Variants in NBAS observed in about 807,000 individuals in gnomAD.
NBAS encodes the protein NBAS subunit of NRZ tethering complex, also known as NAG/BC035112 fusion.
A neutral mutation model predicts 302.5 loss-of-function variants in NBAS; 219 were observed. That is an observed-to-expected ratio of 0.72 (90% CI 0.65 to 0.81). NBAS has a LOEUF of 0.81. Ranked by LOEUF, NBAS falls within the 30% of genes least tolerant of loss-of-function variation. The pLI is 0.00. For synonymous variants in NBAS, 1,118 were observed against 1,021.6 expected (o/e 1.09, Z -1.80); for missense variants, 2,932 against 2,841.6 (o/e 1.03, Z -0.72).
the NBAS span, among the ~76,000 whole-genome samples, chr2:14,909,366 TAAAAA>T: frequency 4.3e-4 from 34 of 78,578 alleles, no homozygotes; most frequent in South Asian, 3.7e-3. Context: ...GGAGAGTTTC[TAAAAA>T]AAAAAAAAAA....
At chr2:15,229,906 T>C (rs1171027872) in intron 47 of NBAS, among the ~76,000 whole-genome samples, 4 of 152,196 alleles carry the variant, frequency 2.6e-5, no homozygotes, top group African/African-American at 7.2e-5. Flanking sequence ...CTTACTTTTT[T>C]ATGCAGTCTC....
intron 22 of NBAS, among the ~76,000 whole-genome samples, chr2:15,426,891 G>A (rs1677506743): frequency 6.6e-6 from 1 of 152,054 alleles, no homozygotes; most frequent in Non-Finnish European, 1.5e-5. Context: ...CCATATCTCA[G>A]TATCTAGAAA....
chr2:15,524,381 T>A (rs1003761879), intron 9 of NBAS, among the ~76,000 whole-genome samples: 1 of 152,182 alleles, frequency 6.6e-6, no homozygotes, highest in African/African-American at 2.4e-5. Context: ...CTTGAGTAAA[T>A]GTGATGATAT....
intron 3 of NBAS, among the ~76,000 whole-genome samples, chr2:15,554,784 G>A (rs1558435716): frequency 6.6e-6 from 1 of 151,728 alleles, no homozygotes; most frequent in Non-Finnish European, 1.5e-5. Flanking sequence ...TGGAACTATG[G>A]TTCTGTGGAG....
At chr2:15,444,087 T>C (rs1678592412) in intron 21 of NBAS, among the ~76,000 whole-genome samples, 1 of 151,720 alleles carries the variant, frequency 6.6e-6, no homozygotes, top group Admixed American at 6.6e-5. Flanking sequence ...CCCAAGGTAA[T>C]TTATAGATTC....
chr2:14,947,518 T>C, the NBAS span, among the ~76,000 whole-genome samples: 15 of 152,176 alleles, frequency 9.9e-5, no homozygotes, highest in African/African-American at 3.6e-4. Context: ...AAGAGATCAG[T>C]TGTAACAGGT....
chr2:15,028,695 C>T, the NBAS span, among the ~76,000 whole-genome samples: 17 of 152,278 alleles, frequency 1.1e-4, no homozygotes, highest in Admixed American at 9.8e-4. Context: ...TTCGAGATTT[C>T]CCTCTCCTAG....
At chr2:15,303,186 C>G (rs1168365864) in intron 40 of NBAS, among the ~76,000 whole-genome samples, 1 of 152,104 alleles carries the variant, frequency 6.6e-6, no homozygotes, top group Middle Eastern at 3.2e-3. Context: ...TTCTGCCGCT[C>G]TAGAAAACCC....
chr2:15,398,507 A>G (rs1675987873), intron 26 of NBAS, among the ~76,000 whole-genome samples: 1 of 152,180 alleles, frequency 6.6e-6, no homozygotes, highest in African/African-American at 2.4e-5. Flanking sequence ...GAGATACAAT[A>G]TTCTTCCTTT....
At chr2:15,536,875 A>C (rs1663545904) in intron 7 of NBAS, among the ~76,000 whole-genome samples, 1 of 152,186 alleles carries the variant, frequency 6.6e-6, no homozygotes, top group Admixed American at 6.5e-5. Context: ...AGCCTCAAAA[A>C]ACTCTAAGAG....
At chr2:14,878,554 CTG>C in the NBAS span, among the ~76,000 whole-genome samples, 1 of 152,170 alleles carries the variant, frequency 6.6e-6, no homozygotes, top group Non-Finnish European at 1.5e-5. Context: ...AGCTGGAAAA[CTG>C]ATTACCTCCA....
chr2:15,186,607 A>G (rs1352316701), intron 50 of NBAS, 135 bp downstream of exon 50: 9 of 1,308,662 alleles, frequency 6.9e-6, no homozygotes, highest in East Asian at 4.7e-5. Context: ...CATCTGATCC[A>G]TCAGAAATTA....
chr2:15,397,176 C>T (rs1675904182), intron 26 of NBAS, among the ~76,000 whole-genome samples: 1 of 152,212 alleles, frequency 6.6e-6, no homozygotes, highest in African/African-American at 2.4e-5. Flanking sequence ...AACATATGTG[C>T]AAGTGAATAC....
At chr2:15,357,822 G>GT (rs1673698975) in intron 32 of NBAS, among the ~76,000 whole-genome samples, 1 of 152,116 alleles carries the variant, frequency 6.6e-6, no homozygotes, top group Non-Finnish European at 1.5e-5. Context: ...CCCCCTTCAA[G>GT]CATTTTTTCT....
At chr2:15,074,866 T>G in the NBAS span, among the ~76,000 whole-genome samples, 1 of 152,328 alleles carries the variant, frequency 6.6e-6, no homozygotes, top group South Asian at 2.1e-4. Flanking sequence ...CATGTAAAGA[T>G]GCTCAACTGA....
rs141200000 is a variant in NBAS, at chr2:15,459,371, T to C, written c.2339+1830A>G. Among the ~76,000 whole-genome samples the C allele has an allele frequency of 4.8e-3, 726 of 152,304 alleles. 8 individuals are homozygous for C. The highest frequency in any genetic ancestry group is 0.016 in the African/African-American group (674 of 41,554). ...AGATTAGATTTATTCTGCAAAGAGA[T>C]AGAGAACCATTGATCTAATTATATT... On this transcript the variant is annotated intron_variant, in intron 21 of 51. Coordinates refer to ENST00000281513, the MANE Select transcript of NBAS (RefSeq NM_015909.4).
At chr2:15,288,289 A>T (rs1321901220) in intron 41 of NBAS, among the ~76,000 whole-genome samples, 1 of 152,236 alleles carries the variant, frequency 6.6e-6, no homozygotes, top group Non-Finnish European at 1.5e-5. Flanking sequence ...GAAGACAGGA[A>T]ATGTGAACCA....
At chr2:14,848,197 G>A in the NBAS span, among the ~76,000 whole-genome samples, 1 of 151,834 alleles carries the variant, frequency 6.6e-6, no homozygotes, top group East Asian at 1.9e-4. Context: ...GTTCCAGAGA[G>A]TGGGCGCAGG....
In NBAS at chr2:15,342,320, TAAATC is replaced by T. The variant is rs562131701; in HGVS notation, c.4179+9667_4179+9671del. ...AAAATAAATAAATCAAAAAAATAAA[TAAATC>T]AAACAATAAATCATGGTACATGCAT... On this transcript the variant is annotated intron_variant, in intron 35 of 51. Transcript: ENST00000281513. Among the ~76,000 whole-genome samples the T allele has an allele frequency of 9.3e-4, 142 of 152,062 alleles. 3 individuals carry two copies. The East Asian group carries it at 0.02, about 21-fold the overall frequency.
Sources: allele counts gnomAD v4.1 joint callset (sites outside exome capture counted in the v4.1 genomes callset), GRCh38; gene constraint gnomAD v4.1.1; transcripts MANE v1.5; gene names NCBI Gene and HGNC (gene_info 2026-07-23, HGNC 2026-07-21).